The following ADAM10 variants were observed in gnomAD, a reference collection of about 807,000 sequenced individuals.
The protein encoded by ADAM10 is ADAM metallopeptidase domain 10.
A neutral mutation model predicts 90.1 loss-of-function variants in ADAM10; 17 were observed. The ratio of observed to expected loss-of-function variants is 0.19; its 90% confidence interval spans 0.13 to 0.28. The LOEUF is 0.28. ADAM10 is among the 10% of genes least tolerant of loss of function. The probability of loss-of-function intolerance (pLI) is 1.00; values close to 1 mark genes in which losing one functional copy is unlikely to be tolerated. For synonymous variants in ADAM10, 310 were observed against 298.6 expected (o/e 1.04, Z -0.40); for missense variants, 610 against 914.3 (o/e 0.67, Z 4.29).
At chr15:58,604,393 G>C (rs1447801990) in intron 14 of ADAM10, among the ~76,000 whole-genome samples, 1 of 152,090 alleles carries the variant, frequency 6.6e-6, no homozygotes, top group African/African-American at 2.4e-5. Context: ...CTTAGCTCTG[G>C]CGTTATCTCC....
At chr15:58,641,348 T>C (rs1896411558) in intron 7 of ADAM10, among the ~76,000 whole-genome samples, 1 of 152,178 alleles carries the variant, frequency 6.6e-6, no homozygotes, top group African/African-American at 2.4e-5. Flanking sequence ...CTCCTACATA[T>C]GGTGACACTT....
intron 2 of ADAM10, among the ~76,000 whole-genome samples, chr15:58,717,286 T>C (rs190258038): frequency 4.6e-4 from 70 of 152,284 alleles, no homozygotes; most frequent in African/African-American, 1.6e-3. Flanking sequence ...ATATAAAAAG[T>C]AGTCAGAAAC....
chr15:58,623,791 C>T (rs972009451), intron 10 of ADAM10, among the ~76,000 whole-genome samples: 1 of 151,930 alleles, frequency 6.6e-6, no homozygotes, highest in African/African-American at 2.4e-5. Flanking sequence ...GGGAGGGGAA[C>T]AACACACACC....
chr15:58,714,327 A>ACAC (rs1567008805), intron 2 of ADAM10, among the ~76,000 whole-genome samples: 1 of 151,190 alleles, frequency 6.6e-6, no homozygotes, highest in Non-Finnish European at 1.5e-5. Context: ...ACACACACAC[A>ACAC]GAAGCTGTGC....
chr15:58,717,508 TA>T, intron 2 of ADAM10, 68 bp downstream of exon 2: 1 of 1,596,136 alleles, frequency 6.3e-7, no homozygotes, highest in Non-Finnish European at 8.6e-7. Context: ...ATTAAGGATA[TA>T]AATCTCCTCT....
At chr15:58,706,860 T>G (rs1340269871) in intron 2 of ADAM10, among the ~76,000 whole-genome samples, 1 of 151,024 alleles carries the variant, frequency 6.6e-6, no homozygotes, top group Non-Finnish European at 1.5e-5. Flanking sequence ...AATACATAAA[T>G]TAGCCAGGCA....
At chr15:58,607,981 G>C (rs1287163225) in intron 14 of ADAM10, among the ~76,000 whole-genome samples, 1 of 152,124 alleles carries the variant, frequency 6.6e-6, no homozygotes, top group Non-Finnish European at 1.5e-5. Flanking sequence ...GCTCTTAAAT[G>C]TTTCAAGAAC....
At chr15:58,665,464 A>T (rs1033067481) in intron 4 of ADAM10, among the ~76,000 whole-genome samples, 1 of 152,138 alleles carries the variant, frequency 6.6e-6, no homozygotes, top group African/African-American at 2.4e-5. Flanking sequence ...ACCACTCATT[A>T]TTCTGACCCT....
Position 58,593,694 on chromosome 15 carries a change from T to A in ADAM10, c.*3853A>T, listed in dbSNP as rs945019860. 2.7e-5 allele frequency: 4 copies of A among 147,242 alleles called. No homozygotes were observed. Among genetic ancestry groups the A allele is most frequent in the Non-Finnish European group, 6.1e-5 (4 of 65,994 alleles). The allele number at this position is 147,242 out of a possible 1,614,324, so 9.1% of individuals were successfully genotyped here. A position where few individuals can be genotyped will look rare whatever the true frequency, so the allele number is the denominator to read the frequency against. ...CACACCCTATCACTTTAGTGTAGAT[T>A]TCAGGAAAAAGCAAAAACTAATCAG... On this transcript the variant is annotated 3_prime_UTR_variant, in exon 16 of 16. Transcript: ENST00000260408.
chr15:58,636,759 G>A (rs1283911634), intron 8 of ADAM10, among the ~76,000 whole-genome samples: 2 of 151,746 alleles, frequency 1.3e-5, no homozygotes, highest in Non-Finnish European at 1.5e-5. Context: ...AAAAATACAA[G>A]AGTAATATGA....
At chr15:58,615,207 G>A (rs187646325) in intron 11 of ADAM10, among the ~76,000 whole-genome samples, 23 of 150,702 alleles carry the variant, frequency 1.5e-4, no homozygotes, top group African/African-American at 4.9e-4. Flanking sequence ...CCAGGAGGCG[G>A]AGCTTGTGGT....
intron 14 of ADAM10, 159 bp downstream of exon 14, chr15:58,610,138 A>G (rs1215693578): frequency 2.2e-5 from 16 of 718,782 alleles, no homozygotes; most frequent in Non-Finnish European, 3.9e-5. Context: ...CTTCAGAAGG[A>G]AATAATAACC....
At chr15:58,599,492 G>A (rs1300958948) in intron 15 of ADAM10, 106 bp downstream of exon 15, 20 of 1,339,344 alleles carry the variant, frequency 1.5e-5, no homozygotes, top group Non-Finnish European at 2.0e-5. Context: ...CATTCTTACG[G>A]AGAAAGTACT....
At chr15:58,630,649 G>A (rs1183698692) in intron 9 of ADAM10, among the ~76,000 whole-genome samples, 2 of 152,110 alleles carry the variant, frequency 1.3e-5, no homozygotes, top group Non-Finnish European at 2.9e-5. Flanking sequence ...TATAATAGGT[G>A]CACAATAAAT....
At chr15:58,649,421 T>C (rs1896629893) in intron 5 of ADAM10, among the ~76,000 whole-genome samples, 1 of 152,168 alleles carries the variant, frequency 6.6e-6, no homozygotes, top group Non-Finnish European at 1.5e-5. Context: ...CTCAAAATTA[T>C]CTAATGTGTT....
intron 9 of ADAM10, among the ~76,000 whole-genome samples, chr15:58,631,138 C>T (rs1297572523): frequency 1.4e-4 from 21 of 152,148 alleles, no homozygotes; most frequent in Non-Finnish European, 1.5e-5. Flanking sequence ...GTGGAAGCAG[C>T]CTGAGGCCCT....
At chr15:58,639,896 T>TA (rs34793995) in intron 8 of ADAM10, among the ~76,000 whole-genome samples, 24,434 of 148,846 alleles carry the variant, frequency 0.16, 2,264 homozygotes, top group East Asian at 0.44. Flanking sequence ...AAGTTTTTTT[T>TA]AAAAAAAAAA....
intron 4 of ADAM10, among the ~76,000 whole-genome samples, chr15:58,666,163 C>G (rs1180621453): frequency 6.6e-6 from 1 of 151,224 alleles, no homozygotes; most frequent in Non-Finnish European, 1.5e-5. Context: ...TGTCTATCAC[C>G]AGATATTCTT....
At chr15:58,715,190 G>A (rs1053139132) in intron 2 of ADAM10, among the ~76,000 whole-genome samples, 1 of 152,060 alleles carries the variant, frequency 6.6e-6, no homozygotes, top group Non-Finnish European at 1.5e-5. Flanking sequence ...GGGAGACCGA[G>A]GTGAGCGGAT....
Sources: gnomAD v4.1 joint callset for allele counts (sites outside exome capture counted in the v4.1 genomes callset) on GRCh38, gnomAD v4.1.1 for gene constraint, MANE v1.5 for transcripts, NCBI Gene and HGNC (gene_info 2026-07-23, HGNC 2026-07-21) for gene names.